The following CHN2 variants were observed in gnomAD, a reference collection of about 807,000 sequenced individuals.
CHN2 encodes the protein chimerin 2.
CHN2 carries 35 observed loss-of-function variants against 56.3 expected under a neutral mutation model. That is an observed-to-expected ratio of 0.62 (90% CI 0.47 to 0.82). The LOEUF (loss-of-function observed/expected upper bound fraction) is 0.82. Ranked by LOEUF, CHN2 falls within the 40% of genes least tolerant of loss-of-function variation. The pLI, the probability that CHN2 is intolerant of heterozygous loss-of-function variation, is 0.00. For missense variants in CHN2, 491 were observed against 580.5 expected, an observed-to-expected ratio of 0.85 and a Z score of 1.58; for synonymous variants, 210 against 212.8, an observed-to-expected ratio of 0.99 and a Z score of 0.12.
chr7:29,238,851 A>G (rs980367075), intron 1 of CHN2, among the ~76,000 whole-genome samples: 17 of 152,242 alleles, frequency 1.1e-4, no homozygotes, highest in African/African-American at 4.1e-4. Flanking sequence ...TGGAGTGTTC[A>G]AAGAACAGCA....
At chr7:29,432,755 C>T (rs762091736) in intron 6 of CHN2, among the ~76,000 whole-genome samples, 4 of 152,280 alleles carry the variant, frequency 2.6e-5, no homozygotes, top group South Asian at 2.1e-4. Flanking sequence ...CTATGCGTCA[C>T]GGGTAATCCT....
intron 1 of CHN2, among the ~76,000 whole-genome samples, chr7:29,249,742 G>A (rs1051526524): frequency 1.3e-5 from 2 of 152,120 alleles, no homozygotes; most frequent in Non-Finnish European, 2.9e-5. Flanking sequence ...CCGCTCCAAT[G>A]TGAAAGATAT....
At chr7:29,426,591 A>G (rs1382007087) in intron 6 of CHN2, among the ~76,000 whole-genome samples, 5 of 152,170 alleles carry the variant, frequency 3.3e-5, no homozygotes, top group South Asian at 2.1e-4. Context: ...TACCTTCACT[A>G]CTAGTTTTCT....
At chr7:29,209,151 C>T (rs1584739669) in intron 1 of CHN2, among the ~76,000 whole-genome samples, 1 of 151,800 alleles carries the variant, frequency 6.6e-6, no homozygotes. Context: ...TGACCCCCTT[C>T]CTGGAGTGCA....
chr7:29,262,450 A>T (rs1789632957), intron 1 of CHN2, among the ~76,000 whole-genome samples: 1 of 152,270 alleles, frequency 6.6e-6, no homozygotes. Flanking sequence ...AGTGTATTAA[A>T]GAGAGTTAAA....
intron 2 of CHN2, among the ~76,000 whole-genome samples, chr7:29,367,588 G>A (rs1799263269): frequency 6.6e-6 from 1 of 152,000 alleles, no homozygotes; most frequent in African/African-American, 2.4e-5. Flanking sequence ...TACTACTCAG[G>A]TACTCACAAG....
At chr7:29,382,651 A>C (rs1385131526) in intron 3 of CHN2, among the ~76,000 whole-genome samples, 1 of 152,224 alleles carries the variant, frequency 6.6e-6, no homozygotes, top group African/African-American at 2.4e-5. Flanking sequence ...GCTCACATTG[A>C]GAGCTCATAA....
At chr7:29,195,627 A>AGTGTGTGT (rs1304546305) in intron 1 of CHN2, among the ~76,000 whole-genome samples, 209 of 116,770 alleles carry the variant, frequency 1.8e-3, no homozygotes, top group African/African-American at 7.9e-3. Flanking sequence ...AGAGAGAGAG[A>AGTGTGTGT]GAGTGTGTGT....
intron 6 of CHN2, among the ~76,000 whole-genome samples, chr7:29,478,624 C>T (rs1407880679): frequency 6.6e-6 from 1 of 152,186 alleles, no homozygotes; most frequent in Non-Finnish European, 1.5e-5. Context: ...GGTTCTGCCA[C>T]TTAAACTAGG....
chr7:29,395,105 C>T (rs117503430), intron 4 of CHN2, among the ~76,000 whole-genome samples: 2,157 of 152,310 alleles, frequency 0.014, 12 homozygotes, highest in Non-Finnish European at 0.023. Context: ...TAGAAGGAAT[C>T]ACAAGAAACT....
At chr7:29,306,448 GAT>G (rs1794173955) in intron 1 of CHN2, among the ~76,000 whole-genome samples, 1 of 152,304 alleles carries the variant, frequency 6.6e-6, no homozygotes, top group South Asian at 2.1e-4. Context: ...ATGTAGAAGA[GAT>G]GTGATGGGAA....
At chr7:29,464,108 G>T (rs562256739) in intron 6 of CHN2, among the ~76,000 whole-genome samples, 1 of 152,234 alleles carries the variant, frequency 6.6e-6, no homozygotes, top group Non-Finnish European at 1.5e-5. Flanking sequence ...AGGATGGCTA[G>T]CTAAGCTTAT....
intron 2 of CHN2, among the ~76,000 whole-genome samples, chr7:29,153,312 A>T (rs1562796943): frequency 2.0e-5 from 3 of 152,100 alleles, no homozygotes; most frequent in Non-Finnish European, 4.4e-5. Flanking sequence ...ACTACAGTTG[A>T]CCCTTGAACG....
In CHN2 at chr7:29,512,754, T is replaced by G; in HGVS notation, c.*19T>G. On this transcript the variant is annotated 3_prime_UTR_variant, in exon 13 of 13. Transcript: ENST00000222792. ...ATTCTAATCCATCAGGGAAATGAGC[T>G]GAATGGCCCCAGCACCATCCAAGTT... 1 of 1,612,460 alleles carries G rather than the reference T, an allele frequency of 6.2e-7. No homozygotes were observed. Among genetic ancestry groups the G allele is most frequent in the Non-Finnish European group, 8.5e-7 (1 of 1,179,056 alleles).
rs1304473609 is a variant in CHN2, at chr7:29,513,811, AAGT to A, written c.*1079_*1081del. On this transcript the variant is annotated 3_prime_UTR_variant, in exon 13 of 13. Coordinates refer to ENST00000222792, the MANE Select transcript of CHN2 (RefSeq NM_004067.4). ...CCAAATATTTGTTCCTCCTTGACAA[AAGT>A]AGCTCTGTGTGGATAATATGATTTT... The A allele has an allele frequency of 3.9e-5, 6 of 152,760 alleles. No individual in the cohort carries two copies. The highest frequency in any genetic ancestry group is 8.8e-5 in the Non-Finnish European group (6 of 68,028). The allele number at this position is 152,760 out of a possible 1,614,324, so 9.5% of individuals were successfully genotyped here.
At chr7:29,269,810 G>A (rs1450293820) in intron 1 of CHN2, among the ~76,000 whole-genome samples, 5 of 152,240 alleles carry the variant, frequency 3.3e-5, no homozygotes, top group Non-Finnish European at 7.3e-5. Context: ...TGGGAACGGT[G>A]TGGCTCCCAT....
At chr7:29,166,431 A>G (rs976348798) in intron 2 of CHN2, among the ~76,000 whole-genome samples, 18 of 152,134 alleles carry the variant, frequency 1.2e-4, no homozygotes, top group African/African-American at 1.2e-4. Context: ...CAGAGAAGCC[A>G]TCTTGGCTTG....
intron 12 of CHN2, among the ~76,000 whole-genome samples, chr7:29,510,893 G>C (rs1235839770): frequency 2.0e-5 from 3 of 152,122 alleles, no homozygotes; most frequent in South Asian, 2.1e-4. Context: ...AGATGGAGAC[G>C]TCTGGATGTT....
chr7:29,463,176 C>T (rs114722266), intron 6 of CHN2, among the ~76,000 whole-genome samples: 10,078 of 152,122 alleles, frequency 0.066, 748 homozygotes, highest in African/African-American at 0.19. Context: ...AGGTCCCCAG[C>T]CTCCCAATAC....
Sources: allele counts gnomAD v4.1 joint callset (sites outside exome capture counted in the v4.1 genomes callset), GRCh38; gene constraint gnomAD v4.1.1; transcripts MANE v1.5; gene names NCBI Gene and HGNC (gene_info 2026-07-23, HGNC 2026-07-21).